Variants in TPST2 observed in about 807,000 individuals in gnomAD.
The protein encoded by TPST2 is tyrosylprotein sulfotransferase 2.
Under a neutral mutation model 27.8 loss-of-function variants are expected in TPST2, and 16 were observed. The observed-to-expected ratio is 0.58, with a 90% CI of 0.39 to 0.88. The LOEUF is 0.88. Among genes scored for constraint, TPST2 ranks in the 40% least tolerant of loss-of-function variants. The pLI, the probability that TPST2 is intolerant of heterozygous loss-of-function variation, is 0.00. For synonymous variants in TPST2, 229 were observed against 231.7 expected, an observed-to-expected ratio of 0.99 and a Z score of 0.10; for missense variants, 464 against 543.1, an observed-to-expected ratio of 0.85 and a Z score of 1.45.
chr22:26,566,764 T>C (rs752958259), intron 1 of TPST2, among the ~76,000 whole-genome samples: 14 of 151,620 alleles, frequency 9.2e-5, no homozygotes, highest in African/African-American at 1.7e-4. Context: ...AGTCAGTAAA[T>C]AAACAAACAA....
rs1925243327 is a variant in TPST2, at chr22:26,532,805, C to T, written c.1042-60G>A. 3 of 1,529,622 alleles carry T rather than the reference C, an allele frequency of 2.0e-6. No individual in the cohort carries two copies. The East Asian group carries it at 6.8e-5, about 34-fold the overall frequency. The allele number at this position is 1,529,622 out of a possible 1,614,324, so 94.8% of individuals were successfully genotyped here. ...AAATGGCCAAAAAATAAAATTTAGT[C>T]ATTCCCAACACATCCAGTCATCCAC... On this transcript the variant is annotated intron_variant, in intron 4 of 6. Coordinates refer to ENST00000338754, the MANE Select transcript of TPST2 (RefSeq NM_003595.5).
chr22:26,560,788 A>G, intron 1 of TPST2: 1 of 1,302,110 alleles, frequency 7.7e-7, no homozygotes, highest in Non-Finnish European at 1.1e-6. Context: ...ACAAAAAAGA[A>G]GTTCAAGGAT....
rs1400239614 is a variant in TPST2 at position 26,568,926 on chromosome 22, C to CATAT, written c.-161+21126_-161+21127insATAT. 4.7e-3 allele frequency among the ~76,000 whole-genome samples: 709 copies of CATAT among 150,632 alleles called. 5 individuals are homozygous for CATAT. The highest frequency in any genetic ancestry group is 0.016 in the African/African-American group (660 of 40,848). Reference sequence around the variant, plus strand: ...TCTCCCAGGCTGGAGTGCAGTGGCCCGATCTCGGCTCACTGCAAGCTCCGC... The same window carrying CATAT: ...TCTCCCAGGCTGGAGTGCAGTGGCCCATATGATCTCGGCTCACTGCAAGCTCCGC... On this transcript the variant is annotated intron_variant, in intron 1 of 6. Transcript: ENST00000338754.
At chr22:26,539,306 C>T (rs759797150) in intron 3 of TPST2, among the ~76,000 whole-genome samples, 2 of 152,104 alleles carry the variant, frequency 1.3e-5, no homozygotes, top group Non-Finnish European at 1.5e-5. Context: ...GATGGGAAAG[C>T]GTGGAAACTG....
At chr22:26,572,718 G>C (rs988910616) in intron 1 of TPST2, among the ~76,000 whole-genome samples, 2 of 152,050 alleles carry the variant, frequency 1.3e-5, no homozygotes, top group Non-Finnish European at 1.5e-5. Flanking sequence ...TTGCCCTTCT[G>C]TTTCCCATAT....
intron 1 of TPST2, among the ~76,000 whole-genome samples, chr22:26,558,190 G>A (rs1345774000): frequency 6.7e-6 from 1 of 148,726 alleles, no homozygotes; most frequent in Non-Finnish European, 1.5e-5. Flanking sequence ...CCAGGCTGGA[G>A]TGCAATGGAG....
chr22:26,588,624 A>G (rs1341152548), intron 1 of TPST2, among the ~76,000 whole-genome samples: 7 of 152,250 alleles, frequency 4.6e-5, no homozygotes, highest in African/African-American at 1.7e-4. Flanking sequence ...TATTAAGTAA[A>G]CAACAGTACA....
chr22:26,539,526 G>C (rs1925671918), intron 3 of TPST2, among the ~76,000 whole-genome samples: 1 of 151,882 alleles, frequency 6.6e-6, no homozygotes, highest in South Asian at 2.1e-4. Context: ...ACTTTGGGAG[G>C]CCAAGGCAGG....
chr22:26,584,395 G>A (rs182559077), intron 1 of TPST2, among the ~76,000 whole-genome samples: 6 of 152,214 alleles, frequency 3.9e-5, no homozygotes, highest in South Asian at 2.1e-4. Flanking sequence ...GATGGAGAGC[G>A]GATCAATATT....
At chr22:26,572,248 AAACTC>A (rs1438932489) in intron 1 of TPST2, among the ~76,000 whole-genome samples, 3 of 152,184 alleles carry the variant, frequency 2.0e-5, no homozygotes, top group Non-Finnish European at 4.4e-5. Flanking sequence ...TAGGTCAATG[AAACTC>A]AACTGGAGAC....
rs1925792595 is a variant in TPST2 at position 26,541,211 on chromosome 22, G to A, written c.420C>T (p.Phe140=). ...DEVLDAAMQA[F]ILEVIAKHGE... ...CGTGCTTGGCAATCACCTCCAGGAT[G>A]AAGGCCTGCATGGCGGCGTCCAGCA... The change falls in exon 3 of 7, where the codon TTC becomes TTT. Residue 140 remains phenylalanine (F), a synonymous_variant. Coordinates refer to ENST00000338754, the MANE Select transcript of TPST2 (RefSeq NM_003595.5). The surrounding 1 kb of genome is among the most constrained non-coding windows in gnomAD (Gnocchi z 5.9). 3 of 1,576,128 alleles carry A rather than the reference G, an allele frequency of 1.9e-6. No homozygotes were observed. The highest frequency in any genetic ancestry group is 1.3e-5 in the African/African-American group (1 of 74,474).
intron 1 of TPST2, among the ~76,000 whole-genome samples, chr22:26,585,522 T>G (rs954355434): frequency 6.6e-6 from 1 of 152,008 alleles, no homozygotes; most frequent in Non-Finnish European, 1.5e-5. Context: ...CCAGACCGGG[T>G]ACATGCAGGT....
At chr22:26,587,468 G>C (rs1260447334) in intron 1 of TPST2, among the ~76,000 whole-genome samples, 2 of 152,072 alleles carry the variant, frequency 1.3e-5, no homozygotes, top group Non-Finnish European at 2.9e-5. Flanking sequence ...AGCCTCCCAA[G>C]TAGCTGGGGT....
intron 1 of TPST2, among the ~76,000 whole-genome samples, chr22:26,587,224 G>A (rs1174574261): frequency 6.6e-6 from 1 of 152,180 alleles, no homozygotes; most frequent in African/African-American, 2.4e-5. Flanking sequence ...GGGGGCTCCA[G>A]GCTGGCCCGG....
At chr22:26,536,153 G>T in intron 4 of TPST2, 135 bp downstream of exon 4, 1 of 1,177,342 alleles carries the variant, frequency 8.5e-7, no homozygotes, top group Non-Finnish European at 1.2e-6. Flanking sequence ...AGTTCACTGT[G>T]TCCATCAGAC....
chr22:26,550,733 A>C (rs5761591), intron 1 of TPST2: 805,558 of 856,390 alleles, frequency 0.94, 379,048 homozygotes, highest in East Asian at 1. Flanking sequence ...GACCACACCA[A>C]CTCCCACCCA....
rs1302166425 is a variant in TPST2 at position 26,525,630 on chromosome 22, G to A, written c.*645C>T. 6.6e-6 allele frequency: 1 copy of A among 152,142 alleles called. No homozygotes were observed. Among genetic ancestry groups the A allele is most frequent in the Non-Finnish European group, 1.5e-5 (1 of 68,038 alleles). The allele number at this position is 152,142 out of a possible 1,614,324, so 9.4% of individuals were successfully genotyped here. ...ATCATCGATCCTGGGGGTGGCCCTG[G>A]GGACCCTGACACAGGAATTCAGCTG... is the stretch of plus-strand genomic sequence containing the variant. On this transcript the variant is annotated 3_prime_UTR_variant, in exon 7 of 7. Transcript: ENST00000338754.
At position 26,541,365 on chromosome 22, in the gene TPST2, T is replaced by A; in HGVS notation, c.266A>T (p.Asp89Val). ...GCCGCAGCGCACCTCGGGGTGCGCGTCCAGCATGGCGCGCATCAACGTGGT... is the reference window on the plus strand; with the variant it reads ...GCCGCAGCGCACCTCGGGGTGCGCGACCAGCATGGCGCGCATCAACGTGGT... The part of the protein sequence containing the change: ...SGTTLMRAML[D>V]AHPEVRCGEE... Residue 89 changes from aspartate to valine, a missense_variant, in exon 3 of 7, where the codon GAC becomes GTC. Coordinates refer to ENST00000338754, the MANE Select transcript of TPST2 (RefSeq NM_003595.5). This position sits in a 1 kb window ranked among gnomAD's most constrained non-coding sequence, Gnocchi z 5.9. 1 of 1,552,944 alleles carries A rather than the reference T, an allele frequency of 6.4e-7. No individual in the cohort carries two copies. Among genetic ancestry groups the A allele is most frequent in the Non-Finnish European group, 8.7e-7 (1 of 1,148,346 alleles).
intron 3 of TPST2, 128 bp downstream of exon 3, chr22:26,540,661 G>T: frequency 1.3e-6 from 1 of 776,206 alleles, no homozygotes; most frequent in Non-Finnish European, 1.9e-6. Context: ...TAATGAAACG[G>T]AGGCTCAGAG....
Sources: gnomAD v4.1 joint callset for allele counts (sites outside exome capture counted in the v4.1 genomes callset) on GRCh38, gnomAD v4.1.1 for gene constraint, Gnocchi (gnomAD v3.1) non-coding constraint, MANE v1.5 for transcripts, NCBI Gene and HGNC (gene_info 2026-07-23, HGNC 2026-07-21) for gene names.